KCNH4: variants seen among roughly 807,000 people sequenced by gnomAD.
The protein encoded by KCNH4 is voltage-gated delayed rectifier potassium channel KCNH4.
In KCNH4, 33 loss-of-function variants were observed where a neutral mutation model predicts 90.7. That is an observed-to-expected ratio of 0.36 (90% CI 0.28 to 0.49). KCNH4 has a LOEUF of 0.49. Among genes scored for constraint, KCNH4 ranks in the 20% least tolerant of loss-of-function variants. KCNH4 has a pLI of 0.98. For synonymous variants in KCNH4, 551 were observed against 581.7 expected (o/e 0.95, Z 0.76); for missense variants, 1,044 against 1,387.1 (o/e 0.75, Z 3.93).
intron 6 of KCNH4, among the ~76,000 whole-genome samples, chr17:42,172,216 T>C (rs1261450276): frequency 1.3e-5 from 2 of 152,020 alleles, no homozygotes; most frequent in South Asian, 2.1e-4. Context: ...TTTTTTTTTT[T>C]TTTTTGAGGT....
chr17:42,177,816 AC>A (rs933850252), intron 4 of KCNH4, among the ~76,000 whole-genome samples: 2 of 151,888 alleles, frequency 1.3e-5, no homozygotes, highest in Non-Finnish European at 2.9e-5. Context: ...TAACCCTATC[AC>A]CCCCGGGCAG....
intron 9 of KCNH4, among the ~76,000 whole-genome samples, chr17:42,168,622 C>T (rs561219632): frequency 2.4e-4 from 37 of 151,710 alleles, no homozygotes; most frequent in African/African-American, 8.0e-4. Flanking sequence ...CCAGCGTGGG[C>T]GACAGAGCAA....
In KCNH4 at chr17:42,162,190, C is replaced by T. The variant is rs868673461; in HGVS notation, c.2658+58G>A. ...CAAACTCCTGACCTCAAGTGAGCCA[C>T]GTGTAGGGTCTGAAATGCTGTTATA... On this transcript the variant is annotated intron_variant, in intron 15 of 16. Transcript: ENST00000264661. 13 of 1,470,538 alleles carry T rather than the reference C, an allele frequency of 8.8e-6. No individual in the cohort carries two copies. In the African/African-American group the frequency reaches 1.4e-4, roughly 16 times the overall value. The allele number at this position is 1,470,538 out of a possible 1,614,324, so 91.1% of individuals were successfully genotyped here.
chr17:42,173,359 T>C (rs1351394537), intron 6 of KCNH4, among the ~76,000 whole-genome samples: 1 of 152,082 alleles, frequency 6.6e-6, no homozygotes, highest in African/African-American at 2.4e-5. Context: ...GATTCCTCCA[T>C]ATGGACCCTC....
intron 16 of KCNH4, among the ~76,000 whole-genome samples, chr17:42,158,841 A>G (rs1006232832): frequency 1.3e-5 from 2 of 148,786 alleles, no homozygotes; most frequent in Non-Finnish European, 3.0e-5. Context: ...TCTATAAAAA[A>G]ATATATATAT....
chr17:42,178,328 T>C lies in KCNH4; in HGVS notation c.457+3A>G, dbSNP rs773542303. ...CACACTGCCCGTCCGGACTTGCTGTTACCGTGATTACTGTCCCCGCGGCCT... is the reference window on the plus strand; with the variant it reads ...CACACTGCCCGTCCGGACTTGCTGTCACCGTGATTACTGTCCCCGCGGCCT... On this transcript the variant is annotated splice_donor_region_variant and intron_variant, in intron 3 of 16. Transcript: ENST00000264661. 1.2e-6 allele frequency: 2 copies of C among 1,614,120 alleles called. No individual in the cohort carries two copies. The highest frequency in any genetic ancestry group is 2.7e-5 in the African/African-American group (2 of 74,954).
rs779056272 is a variant in KCNH4, at chr17:42,178,929, G to A, written c.174C>T (p.Thr58=). 27 of 1,614,114 alleles carry A rather than the reference G, an allele frequency of 1.7e-5. No individual in the cohort carries two copies. The highest frequency in any genetic ancestry group is 4.0e-5 in the African/African-American group (3 of 74,958). The change falls in exon 2 of 17, where the codon ACC becomes ACT. Residue 58 remains threonine, a synonymous_variant. Transcript: ENST00000264661. ...GFCELTGYGR[T]EVMQKTCSCR... is the part of the protein sequence containing the mutation. ...AGCTGCAGGTCTTCTGCATGACCTC[G>A]GTGCGACCGTAGCCTGTGAGCTCGC...
rs754245727 is a variant in KCNH4 at position 42,163,684 on chromosome 17, C to G, written c.2399G>C (p.Arg800Thr). The change falls in exon 13 of 17, where the codon AGG (arginine) becomes ACG (threonine). Residue 800 changes from arginine to threonine, a missense_variant. Arg to Thr is a moderately conservative substitution (Grantham distance 71, BLOSUM62 -1). Transcript: ENST00000264661. This position sits in a 1 kb window ranked among gnomAD's most constrained non-coding sequence, Gnocchi z 5.4. Reference sequence around the variant, plus strand: ...AGGGGGCTTCCAGGCAGCAGAGCACCTGGGGGGGCCGTGAGGGGAGGCACT... The same window carrying G: ...AGGGGGCTTCCAGGCAGCAGAGCACGTGGGGGGGCCGTGAGGGGAGGCACT... ...GHSASPHGPP[R>T]CSAAWKPPQL... 12 of 1,508,496 alleles carry G rather than the reference C, an allele frequency of 8.0e-6. No individual in the cohort carries two copies. Among genetic ancestry groups the G allele is most frequent in the Non-Finnish European group, 8.9e-6 (10 of 1,129,890 alleles). 93.4% of individuals were successfully genotyped at this position (1,508,496 alleles called of 1,614,324 possible).
chr17:42,177,005 C>T (rs1031810796), intron 4 of KCNH4, among the ~76,000 whole-genome samples: 2 of 152,242 alleles, frequency 1.3e-5, no homozygotes, highest in Admixed American at 6.5e-5. Flanking sequence ...TATCCTCCTG[C>T]CTCAGGCTCC....
chr17:42,175,933 AAGATGC>A, intron 5 of KCNH4, 115 bp downstream of exon 5: 2 of 1,307,984 alleles, frequency 1.5e-6, no homozygotes, highest in Non-Finnish European at 1.1e-6. Context: ...TTGGGACTTA[AAGATGC>A]AGAAAGGAAG....
intron 14 of KCNH4, among the ~76,000 whole-genome samples, chr17:42,162,736 G>A (rs2079757878): frequency 1.3e-5 from 2 of 152,020 alleles, no homozygotes; most frequent in African/African-American, 4.8e-5. Flanking sequence ...GGGATTACAG[G>A]TGTGCACCAC....
intron 2 of KCNH4, 58 bp downstream of exon 2, chr17:42,178,735 C>A: frequency 2.1e-6 from 3 of 1,450,170 alleles, no homozygotes; most frequent in Non-Finnish European, 2.9e-6. Context: ...GTGCCCAGTG[C>A]CCTCTGGATA....
In KCNH4 at chr17:42,165,638, C is replaced by G. The variant is rs1459650440; in HGVS notation, c.1896G>C (p.Leu632Phe). 1.2e-6 allele frequency: 2 copies of G among 1,614,194 alleles called. No homozygotes were observed. The highest frequency in any genetic ancestry group is 2.2e-5 in the South Asian group (2 of 91,088). The stretch of plus-strand genomic sequence containing the variant: ...TTAGCACGAAGTTTGGGTCTGCTCC[C>G]AACCCAGGCTCCTGCCCCGGCTCAG... ...DIPEPGQEPGLGADPNFVLKT... is the reference protein window; with the variant it reads ...DIPEPGQEPGFGADPNFVLKT... Residue 632 changes from leucine to phenylalanine, a missense_variant, in exon 11 of 17, where the codon TTG (leucine) becomes TTC (phenylalanine). Leu to Phe is a conservative substitution (Grantham distance 22, BLOSUM62 0). Coordinates refer to ENST00000264661, the MANE Select transcript of KCNH4 (RefSeq NM_012285.3).
At chr17:42,165,357 G>T in intron 11 of KCNH4, 92 bp downstream of exon 11, 1 of 1,507,512 alleles carries the variant, frequency 6.6e-7, no homozygotes, top group Non-Finnish European at 9.1e-7. Context: ...TGTTTTTAGG[G>T]TGGAGGGAGG....
In KCNH4 at chr17:42,178,471, G is replaced by T. The variant is rs367737130; in HGVS notation, c.317C>A (p.Ala106Asp). The change falls in exon 3 of 17, where the codon GCC (alanine) becomes GAC (aspartate). Residue 106 changes from alanine (A) to aspartate (D), a missense_variant. Ala to Asp is a moderately radical substitution (Grantham distance 126). Transcript: ENST00000264661. ...EICFYRKDGSAFWCLLDMMPI... is the reference protein window; with the variant it reads ...EICFYRKDGSDFWCLLDMMPI... ...CATCATGTCCAGGAGGCACCAAAAG[G>T]CTGAGCCTGTAGGCATGGAGAGAGG... The T allele has an allele frequency of 1.2e-6, 2 of 1,614,062 alleles. No homozygotes were observed. Among genetic ancestry groups the T allele is most frequent in the Non-Finnish European group, 1.7e-6 (2 of 1,180,024 alleles).
chr17:42,162,387 G>A (rs2079755156), intron 14 of KCNH4, 66 bp from the exon 15 acceptor site: 1 of 1,385,786 alleles, frequency 7.2e-7, no homozygotes. Flanking sequence ...ACTTGGGCTG[G>A]AATCCTCCTG....
intron 11 of KCNH4, among the ~76,000 whole-genome samples, chr17:42,164,537 TCACGCCTGTAATCCCAG>T (rs2079772745): frequency 6.6e-6 from 1 of 152,192 alleles, no homozygotes; most frequent in Non-Finnish European, 1.5e-5. Context: ...GCATGGTGGC[TCACGCCTGTAATCCCAG>T]CACTTTGGGA....
chr17:42,166,974 C>T (rs1271834301), intron 9 of KCNH4, among the ~76,000 whole-genome samples: 1 of 152,124 alleles, frequency 6.6e-6, no homozygotes. Context: ...GTTATTAGAC[C>T]ATGGGCACTA....
Position 42,163,448 on chromosome 17 carries a change from CA to C in KCNH4, c.2478-115del. On this transcript the variant is annotated intron_variant, in intron 13 of 16. Coordinates refer to ENST00000264661, the MANE Select transcript of KCNH4 (RefSeq NM_012285.3). This position sits in a 1 kb window ranked among gnomAD's most constrained non-coding sequence, Gnocchi z 5.4. ...CAGGGGGCGGAGCAAGAGCAGCAGTCAAAGTGGGTTGGGGTTGCAAGCTGTG... is the reference window on the plus strand; with the variant it reads ...CAGGGGGCGGAGCAAGAGCAGCAGTCAAGTGGGTTGGGGTTGCAAGCTGTG... 1 of 842,286 alleles carries C rather than the reference CA, an allele frequency of 1.2e-6. No individual in the cohort carries two copies. The highest frequency in any genetic ancestry group is 2.3e-5 in the Admixed American group (1 of 44,328). The allele number at this position is 842,286 out of a possible 1,614,324, so 52.2% of individuals were successfully genotyped here.
Sources: allele counts gnomAD v4.1 joint callset (sites outside exome capture counted in the v4.1 genomes callset), GRCh38; gene constraint gnomAD v4.1.1; non-coding constraint Gnocchi (gnomAD v3.1); transcripts MANE v1.5; gene names NCBI Gene and HGNC (gene_info 2026-07-23, HGNC 2026-07-21).